Variants in BRINP3 observed in about 807,000 individuals in gnomAD.
BRINP3 encodes the protein BMP/retinoic acid inducible neural specific 3.
A neutral mutation model predicts 71.0 loss-of-function variants in BRINP3; 19 were observed. The ratio of observed to expected loss-of-function variants is 0.27; its 90% CI spans 0.19 to 0.39. BRINP3 has a LOEUF of 0.39. Ranked by LOEUF, BRINP3 falls within the 10% of genes least tolerant of loss-of-function variation. The pLI is 1.00. For missense variants in BRINP3, 959 were observed against 940.8 expected (o/e 1.02, Z -0.25); for synonymous variants, 380 against 337.7 (o/e 1.13, Z -1.37).
chr1:190,447,483 G>T (rs1675304157), intron 2 of BRINP3, among the ~76,000 whole-genome samples: 2 of 146,844 alleles, frequency 1.4e-5, no homozygotes. Context: ...GAAAGAGATT[G>T]AAGTTAAATA....
At chr1:190,172,883 C>A (rs1427997310) in intron 6 of BRINP3, among the ~76,000 whole-genome samples, 1 of 152,132 alleles carries the variant, frequency 6.6e-6, no homozygotes, top group Non-Finnish European at 1.5e-5. Context: ...CTTCCAAATA[C>A]CTCCCCAAGG....
intron 4 of BRINP3, among the ~76,000 whole-genome samples, chr1:190,255,667 C>G (rs1660595154): frequency 6.6e-6 from 1 of 151,796 alleles, no homozygotes; most frequent in Non-Finnish European, 1.5e-5. Flanking sequence ...TTTTATTCTT[C>G]TCTTTTCTTC....
chr1:190,469,863 G>A (rs1246037925), intron 1 of BRINP3, among the ~76,000 whole-genome samples: 2 of 150,952 alleles, frequency 1.3e-5, no homozygotes, highest in Non-Finnish European at 3.0e-5. Flanking sequence ...GCAGATATGT[G>A]CTTTTTAATA....
intron 6 of BRINP3, among the ~76,000 whole-genome samples, chr1:190,189,518 C>T (rs1008572207): frequency 6.6e-6 from 1 of 151,698 alleles, no homozygotes; most frequent in Non-Finnish European, 1.5e-5. Flanking sequence ...ACAATTTTTT[C>T]TGCCTGTTCA....
At chr1:190,365,674 TAATAC>T (rs1327768405) in intron 2 of BRINP3, among the ~76,000 whole-genome samples, 1 of 62,108 alleles carries the variant, frequency 1.6e-5, no homozygotes, top group African/African-American at 3.7e-5. Flanking sequence ...ATAATTAATA[TAATAC>T]AATATAATAC....
intron 7 of BRINP3, among the ~76,000 whole-genome samples, chr1:190,131,939 G>C (rs1192157966): frequency 1.3e-5 from 2 of 152,038 alleles, no homozygotes; most frequent in Non-Finnish European, 2.9e-5. Context: ...TGTTAGGATG[G>C]ATAAGAAAAC....
rs536870851 is a variant in BRINP3 at position 190,173,645 on chromosome 1, G to A, written c.962-12755C>T. 7.9e-5 allele frequency among the ~76,000 whole-genome samples: 12 copies of A among 152,130 alleles called. No individual in the cohort carries two copies. The East Asian group carries it at 1.2e-3, about 15-fold the overall frequency. ...ACCCTTTACATTCTTAGAAATTATT[G>A]AAGACTCCAAAGAGCTTTTGTTTGT... On this transcript the variant is annotated intron_variant, in intron 6 of 7. Transcript: ENST00000367462.
chr1:190,335,069 C>A (rs1667201903), intron 2 of BRINP3, among the ~76,000 whole-genome samples: 1 of 151,772 alleles, frequency 6.6e-6, no homozygotes, highest in South Asian at 2.1e-4. Context: ...TTCATTTCTA[C>A]AAATCTCCAG....
At chr1:190,413,699 G>A (rs1303615504) in intron 2 of BRINP3, among the ~76,000 whole-genome samples, 3 of 152,080 alleles carry the variant, frequency 2.0e-5, no homozygotes, top group East Asian at 3.9e-4. Flanking sequence ...ACAGACTTTA[G>A]ACATGTGGCC....
At chr1:190,203,781 ATATATATATATATATATAT>A in intron 6 of BRINP3, among the ~76,000 whole-genome samples, 1 of 98,224 alleles carries the variant, frequency 1.0e-5, no homozygotes, top group Non-Finnish European at 2.1e-5. Context: ...ATATATATAT[ATATATATATATATATATAT>A]ATATATATAT....
At chr1:190,359,914 C>A (rs967691560) in intron 2 of BRINP3, among the ~76,000 whole-genome samples, 13 of 152,128 alleles carry the variant, frequency 8.5e-5, no homozygotes, top group Non-Finnish European at 1.6e-4. Context: ...GGGCTAAACT[C>A]TTTTCACCTC....
chr1:190,257,858 G>A lies in BRINP3; in HGVS notation c.618+7007C>T, dbSNP rs952760942. Among the ~76,000 whole-genome samples, 22 of 152,206 alleles carry A rather than the reference G, an allele frequency of 1.4e-4. No individual in the cohort carries two copies. In the East Asian group the frequency reaches 1.7e-3, roughly 12 times the overall value. ...GCCTGTTCCTTCCTCTGGAAGCTTC[G>A]TCCCAGAGGGGCACCCACCTGTATG... On this transcript the variant is annotated intron_variant, in intron 4 of 7. Transcript: ENST00000367462.
At chr1:190,387,344 A>C (rs1363969855) in intron 2 of BRINP3, among the ~76,000 whole-genome samples, 1 of 152,026 alleles carries the variant, frequency 6.6e-6, no homozygotes, top group African/African-American at 2.4e-5. Flanking sequence ...TCAGTTAACC[A>C]AAGAAACTAA....
At chr1:190,284,733 C>A (rs1382664250) in intron 2 of BRINP3, among the ~76,000 whole-genome samples, 1 of 151,932 alleles carries the variant, frequency 6.6e-6, no homozygotes, top group Non-Finnish European at 1.5e-5. Flanking sequence ...CACTTTGACA[C>A]CCCATCTATT....
intron 2 of BRINP3, among the ~76,000 whole-genome samples, chr1:190,429,272 C>T (rs1424656929): frequency 6.6e-6 from 1 of 152,116 alleles, no homozygotes; most frequent in African/African-American, 2.4e-5. Flanking sequence ...ATACTCATTT[C>T]AGCATAGACT....
At chr1:190,223,157 A>G (rs1657040443) in intron 6 of BRINP3, among the ~76,000 whole-genome samples, 2 of 151,936 alleles carry the variant, frequency 1.3e-5, no homozygotes, top group Non-Finnish European at 2.9e-5. Flanking sequence ...GTAATACTCC[A>G]AACTCATTAT....
chr1:190,238,312 G>A (rs2102756404), intron 4 of BRINP3, among the ~76,000 whole-genome samples: 1 of 151,860 alleles, frequency 6.6e-6, no homozygotes, highest in Admixed American at 6.6e-5. Context: ...TATTAAAATA[G>A]AAATAAAGAT....
At chr1:190,262,927 C>A (rs1004111847) in intron 4 of BRINP3, among the ~76,000 whole-genome samples, 1 of 151,428 alleles carries the variant, frequency 6.6e-6, no homozygotes, top group Admixed American at 6.6e-5. Context: ...ATATATATTT[C>A]TTTTTTTGTG....
intron 2 of BRINP3, among the ~76,000 whole-genome samples, chr1:190,297,188 G>T (rs1664313325): frequency 6.6e-6 from 1 of 151,736 alleles, no homozygotes; most frequent in African/African-American, 2.4e-5. Flanking sequence ...AAATAATATG[G>T]TACTTGTATA....
Sources: gnomAD v4.1 joint callset for allele counts (sites outside exome capture counted in the v4.1 genomes callset) on GRCh38, gnomAD v4.1.1 for gene constraint, MANE v1.5 for transcripts, NCBI Gene and HGNC (gene_info 2026-07-23, HGNC 2026-07-21) for gene names.